The following ENTREP2 variants were observed in gnomAD, a reference collection of about 807,000 sequenced individuals.
ENTREP2 encodes protein ENTREP2.
the ENTREP2 span, among the ~76,000 whole-genome samples, chr15:29,551,660 T>C: frequency 2.0e-3 from 303 of 151,574 alleles, 1 homozygote; most frequent in African/African-American, 7.0e-3. Flanking sequence ...ACTTCACTTT[T>C]AACAATATAT....
chr15:29,196,734 G>T, the ENTREP2 span: 1 of 581,066 alleles, frequency 1.7e-6, no homozygotes, highest in Non-Finnish European at 2.8e-6. Context: ...AGGCCATCAG[G>T]AGGACTTCAA....
the ENTREP2 span, among the ~76,000 whole-genome samples, chr15:29,173,274 C>T: frequency 1.3e-5 from 2 of 152,294 alleles, no homozygotes; most frequent in Admixed American, 1.3e-4. Flanking sequence ...GGGGAGCCAA[C>T]TCACCATGGG....
At chr15:29,148,591 TTTG>T in the ENTREP2 span, among the ~76,000 whole-genome samples, 1 of 152,244 alleles carries the variant, frequency 6.6e-6, no homozygotes, top group Non-Finnish European at 1.5e-5. Context: ...TATTTATATT[TTTG>T]TTGTTGTTTT....
At chr15:29,216,815 T>C in the ENTREP2 span, among the ~76,000 whole-genome samples, 1 of 152,056 alleles carries the variant, frequency 6.6e-6, no homozygotes, top group Non-Finnish European at 1.5e-5. Context: ...ATTAAAATCA[T>C]CCATAATAAA....
At chr15:29,252,248 C>G in the ENTREP2 span, 1 of 549,596 alleles carries the variant, frequency 1.8e-6, no homozygotes, top group African/African-American at 1.9e-5. Flanking sequence ...TAGAAAACAT[C>G]AGAATGAATT....
the ENTREP2 span, among the ~76,000 whole-genome samples, chr15:29,300,161 T>C: frequency 1.3e-4 from 14 of 107,680 alleles, no homozygotes; most frequent in Non-Finnish European, 2.3e-4. Flanking sequence ...AATGGATGGA[T>C]GGATGGATGG....
the ENTREP2 span, among the ~76,000 whole-genome samples, chr15:29,233,068 C>T: frequency 6.6e-6 from 1 of 152,162 alleles, no homozygotes; most frequent in African/African-American, 2.4e-5. Flanking sequence ...ATTTGATCTG[C>T]TAGTAATAAA....
the ENTREP2 span, among the ~76,000 whole-genome samples, chr15:29,256,218 C>T: frequency 3.9e-4 from 59 of 152,202 alleles, no homozygotes; most frequent in East Asian, 0.01. Context: ...GAAAAACCAC[C>T]TATTGGGGTA....
chr15:29,466,381 C>T, the ENTREP2 span, among the ~76,000 whole-genome samples: 2 of 152,162 alleles, frequency 1.3e-5, no homozygotes, highest in Non-Finnish European at 2.9e-5. Context: ...CTGCAGCCCC[C>T]AGGAGAGAGC....
At chr15:29,165,610 C>T in the ENTREP2 span, among the ~76,000 whole-genome samples, 1 of 152,116 alleles carries the variant, frequency 6.6e-6, no homozygotes, top group Non-Finnish European at 1.5e-5. Context: ...AAAGATATAA[C>T]CCTCCTAGCT....
the ENTREP2 span, among the ~76,000 whole-genome samples, chr15:29,243,645 C>G: frequency 2.0e-5 from 3 of 152,058 alleles, no homozygotes; most frequent in African/African-American, 7.2e-5. Context: ...CTCTAGGGAA[C>G]TATTAATCTA....
the ENTREP2 span, among the ~76,000 whole-genome samples, chr15:29,633,031 G>C: frequency 2.6e-5 from 4 of 152,378 alleles, no homozygotes; most frequent in African/African-American, 9.6e-5. Context: ...GGAAACAAAC[G>C]TTGGCATTAG....
At chr15:29,526,191 G>A in the ENTREP2 span, among the ~76,000 whole-genome samples, 1 of 152,148 alleles carries the variant, frequency 6.6e-6, no homozygotes, top group East Asian at 1.9e-4. Context: ...AAGCTTTTCT[G>A]TAGAGTGAAC....
chr15:29,432,700 C>T, the ENTREP2 span, among the ~76,000 whole-genome samples: 1 of 152,178 alleles, frequency 6.6e-6, no homozygotes, highest in African/African-American at 2.4e-5. Context: ...GCATGGCAGC[C>T]CACACCTACA....
At chr15:29,263,889 T>C in the ENTREP2 span, among the ~76,000 whole-genome samples, 1 of 152,076 alleles carries the variant, frequency 6.6e-6, no homozygotes, top group Non-Finnish European at 1.5e-5. Flanking sequence ...GTGGGCGCGG[T>C]GGCTCACGCC....
chr15:29,600,477 C>CA, the ENTREP2 span, among the ~76,000 whole-genome samples: 1 of 149,528 alleles, frequency 6.7e-6, no homozygotes, highest in African/African-American at 2.5e-5. Context: ...CATCAATCAT[C>CA]ATCATCGTCA....
At chr15:29,490,271 A>G in the ENTREP2 span, among the ~76,000 whole-genome samples, 2 of 152,216 alleles carry the variant, frequency 1.3e-5, no homozygotes, top group African/African-American at 4.8e-5. Flanking sequence ...CTCTGGCCTC[A>G]GAAGCAAAGC....
the ENTREP2 span, among the ~76,000 whole-genome samples, chr15:29,466,086 G>C: frequency 1.3e-5 from 2 of 152,194 alleles, no homozygotes; most frequent in African/African-American, 4.8e-5. Flanking sequence ...AGCCCCTGAA[G>C]CTGGAAGCAT....
At chr15:29,510,795 G>A in the ENTREP2 span, among the ~76,000 whole-genome samples, 2 of 136,242 alleles carry the variant, frequency 1.5e-5, no homozygotes, top group Admixed American at 1.5e-4. Flanking sequence ...CGGCGACAGA[G>A]TGAGACTCCA....
Sources: allele counts gnomAD v4.1 joint callset (sites outside exome capture counted in the v4.1 genomes callset), GRCh38; gene constraint gnomAD v4.1.1; transcripts MANE v1.5; gene names NCBI Gene and HGNC (gene_info 2026-07-23, HGNC 2026-07-21).